Variants in OXR1 observed in about 807,000 individuals in gnomAD.
The protein encoded by OXR1 is oxidation resistance protein 1.
Under a neutral mutation model 104.6 loss-of-function variants are expected in OXR1, and 41 were observed. The observed-to-expected ratio is 0.39, with a 90% CI of 0.31 to 0.51. The LOEUF (loss-of-function observed/expected upper bound fraction) is 0.51, where lower values mean the gene tolerates loss of function less well. OXR1 is among the 20% of genes least tolerant of loss of function. The pLI, the probability that OXR1 is intolerant of heterozygous loss-of-function variation, is 0.77. For missense variants in OXR1, 955 were observed against 1,031.9 expected, an observed-to-expected ratio of 0.93 and a Z score of 1.02; for synonymous variants, 348 against 348.4, an observed-to-expected ratio of 1.00 and a Z score of 0.01.
At chr8:106,610,184 C>T (rs1362560138) in intron 3 of OXR1, among the ~76,000 whole-genome samples, 1 of 151,740 alleles carries the variant, frequency 6.6e-6, no homozygotes, top group African/African-American at 2.4e-5. Context: ...CTTTCCTCTC[C>T]CTCCCAAGTC....
intron 3 of OXR1, among the ~76,000 whole-genome samples, chr8:106,604,124 T>G (rs1820182656): frequency 6.6e-6 from 1 of 152,102 alleles, no homozygotes; most frequent in Non-Finnish European, 1.5e-5. Context: ...TGGGAAAACT[T>G]TTTAAAAAGC....
chr8:106,733,847 GA>G lies in OXR1; in HGVS notation c.1957-3663del, dbSNP rs1292872688. On this transcript the variant is annotated intron_variant, in intron 11 of 16. Coordinates refer to ENST00000517566, the MANE Select transcript of OXR1 (RefSeq NM_001198533.2). ...TCTCAAAAAAAAAAAAAAAAGAAAA[GA>G]AAAAAAAAAGGATATGGGGATATGG... Among the ~76,000 whole-genome samples the G allele has an allele frequency of 8.8e-3, 1,235 of 139,898 alleles. 12 individuals carry two copies. Among genetic ancestry groups the G allele is most frequent in the Non-Finnish European group, 0.014 (923 of 63,960 alleles). 91.8% of individuals were successfully genotyped at this position (139,898 alleles called of 152,430 possible).
chr8:106,287,270 CA>C (rs1296211470), intron 1 of OXR1, among the ~76,000 whole-genome samples: 1 of 152,052 alleles, frequency 6.6e-6, no homozygotes, highest in African/African-American at 2.4e-5. Flanking sequence ...AAAAGGAGGT[CA>C]GGGGTATTGG....
intron 11 of OXR1, among the ~76,000 whole-genome samples, chr8:106,718,992 T>G (rs752102914): frequency 1.2e-4 from 19 of 152,196 alleles, no homozygotes; most frequent in Non-Finnish European, 2.4e-4. Flanking sequence ...GATACCCAAA[T>G]AAAAGAAATA....
intron 1 of OXR1, among the ~76,000 whole-genome samples, chr8:106,322,195 C>A (rs1436235842): frequency 6.6e-6 from 1 of 152,154 alleles, no homozygotes; most frequent in Non-Finnish European, 1.5e-5. Flanking sequence ...AAAAGTTAAT[C>A]CAGTGTGATC....
intron 3 of OXR1, among the ~76,000 whole-genome samples, chr8:106,622,421 A>G (rs1821781874): frequency 6.6e-6 from 1 of 150,736 alleles, no homozygotes; most frequent in South Asian, 2.1e-4. Context: ...AGTCCTAATC[A>G]TGGCCCACAG....
intron 3 of OXR1, among the ~76,000 whole-genome samples, chr8:106,613,838 A>C (rs1820989917): frequency 6.6e-6 from 1 of 152,250 alleles, no homozygotes. Context: ...TCTCACAGAA[A>C]AACTAGATGT....
intron 2 of OXR1, among the ~76,000 whole-genome samples, chr8:106,463,183 T>TG (rs942344929): frequency 6.6e-6 from 1 of 152,080 alleles, no homozygotes; most frequent in Admixed American, 6.6e-5. Context: ...AGAGGCTGGT[T>TG]GTCAGCCTTA....
In OXR1 at chr8:106,484,998, A is replaced by G. The variant is rs567827838; in HGVS notation, c.24-33945A>G. On this transcript the variant is annotated intron_variant, in intron 2 of 16. Transcript: ENST00000517566. Reference sequence around the variant, plus strand: ...AAACAATGGAATATTACTCAGCACTAATAAAAGAGCTCTCGAGCCATGAAA... The same window carrying G: ...AAACAATGGAATATTACTCAGCACTGATAAAAGAGCTCTCGAGCCATGAAA... 4.6e-5 allele frequency among the ~76,000 whole-genome samples: 7 copies of G among 152,096 alleles called. No individual in the cohort carries two copies. The South Asian group carries it at 1.5e-3, about 32-fold the overall frequency.
chr8:106,334,669 C>T (rs1034164234), intron 1 of OXR1, among the ~76,000 whole-genome samples: 22 of 152,204 alleles, frequency 1.4e-4, no homozygotes, highest in African/African-American at 4.3e-4. Context: ...ATCAACTCAT[C>T]TAAACTACAC....
chr8:106,700,230 T>A (rs1193993129), intron 7 of OXR1, among the ~76,000 whole-genome samples: 1 of 152,190 alleles, frequency 6.6e-6, no homozygotes, highest in Non-Finnish European at 1.5e-5. Flanking sequence ...AATATAATCC[T>A]GATAATATGT....
At chr8:106,579,025 AT>A (rs1471750469) in intron 3 of OXR1, among the ~76,000 whole-genome samples, 32 of 135,898 alleles carry the variant, frequency 2.4e-4, no homozygotes, top group African/African-American at 8.6e-4. Context: ...AATATACCCA[AT>A]ACCACCTTCT....
chr8:106,279,727 G>A (rs1812199901), intron 1 of OXR1, among the ~76,000 whole-genome samples: 1 of 152,094 alleles, frequency 6.6e-6, no homozygotes, highest in South Asian at 2.1e-4. Context: ...TCCAAATAAG[G>A]TAAATCTTAA....
intron 1 of OXR1, among the ~76,000 whole-genome samples, chr8:106,320,036 C>G (rs556792178): frequency 2.5e-3 from 385 of 152,304 alleles, no homozygotes; most frequent in Non-Finnish European, 4.5e-3. Context: ...GAAATTGTCT[C>G]TCAGGCTGCA....
chr8:106,653,563 AAAATTAG>A (rs2131029914), intron 3 of OXR1, among the ~76,000 whole-genome samples: 1 of 152,152 alleles, frequency 6.6e-6, no homozygotes, highest in South Asian at 2.1e-4. Flanking sequence ...TTATGACAAA[AAAATTAG>A]AAATTAGGAA....
intron 1 of OXR1, among the ~76,000 whole-genome samples, chr8:106,316,911 C>A (rs1813988244): frequency 6.6e-6 from 1 of 151,982 alleles, no homozygotes; most frequent in Admixed American, 6.6e-5. Context: ...GCTCCTGTTG[C>A]CCTGGCTGGA....
chr8:106,490,703 C>A (rs1811025545), intron 2 of OXR1, among the ~76,000 whole-genome samples: 1 of 151,974 alleles, frequency 6.6e-6, no homozygotes, highest in Admixed American at 6.6e-5. Flanking sequence ...TTAGGATGAT[C>A]CTTGAGGGAT....
At chr8:106,405,163 TA>T (rs1563757796) in intron 2 of OXR1, among the ~76,000 whole-genome samples, 3 of 23,022 alleles carry the variant, frequency 1.3e-4, no homozygotes, top group African/African-American at 8.1e-4. Flanking sequence ...TATATATATA[TA>T]TATATATATA....
intron 2 of OXR1, among the ~76,000 whole-genome samples, chr8:106,421,638 A>C (rs1169217732): frequency 6.6e-6 from 1 of 152,186 alleles, no homozygotes; most frequent in Non-Finnish European, 1.5e-5. Context: ...TTCCTTTAGA[A>C]GTCTAGGCTG....
Sources: gnomAD v4.1 joint callset for allele counts (sites outside exome capture counted in the v4.1 genomes callset) on GRCh38, gnomAD v4.1.1 for gene constraint, MANE v1.5 for transcripts, NCBI Gene and HGNC (gene_info 2026-07-23, HGNC 2026-07-21) for gene names.